The following ZNF330 variants were observed in gnomAD, a reference collection of about 807,000 sequenced individuals.
The protein encoded by ZNF330 is zinc finger protein 330.
Under a neutral mutation model 45.5 loss-of-function variants are expected in ZNF330, and 31 were observed. That is an observed-to-expected ratio of 0.68 (90% CI 0.51 to 0.92). The LOEUF is 0.92. ZNF330 is among the 40% of genes least tolerant of loss of function. ZNF330 has a pLI of 0.00. For missense variants in ZNF330, 356 were observed against 387.4 expected, an observed-to-expected ratio of 0.92 and a Z score of 0.68; for synonymous variants, 138 against 123.2, an observed-to-expected ratio of 1.12 and a Z score of -0.79.
upstream of ZNF330, chr4:141,220,826 T>A (rs1728652399): frequency 6.6e-6 from 1 of 151,944 alleles, no homozygotes; most frequent in Admixed American, 6.6e-5. Flanking sequence ...CCCGCAGGAG[T>A]GGGCGGGGAA....
chr4:141,226,898 G>A (rs758810100), intron 5 of ZNF330, 52 bp downstream of exon 5: 2 of 1,422,692 alleles, frequency 1.4e-6, no homozygotes, highest in Non-Finnish European at 1.9e-6. Context: ...ATAAGAAAAT[G>A]TCATTCTGAT....
Position 141,226,814 on chromosome 4 carries a change from G to T in ZNF330, c.259G>T (p.Ala87Ser). 1 of 1,613,120 alleles carries T rather than the reference G, an allele frequency of 6.2e-7. No homozygotes were observed. The highest frequency in any genetic ancestry group is 8.5e-7 in the Non-Finnish European group (1 of 1,179,380). Residue 87 changes from alanine to serine, a missense_variant, in exon 5 of 10, where the codon GCT becomes TCT. Coordinates refer to ENST00000262990, the MANE Select transcript of ZNF330 (RefSeq NM_014487.6). ...MKSSDCVIKH[A>S]GVYSTGLAMV... ...GTCTTCAGACTGTGTCATAAAGCATGCTGGTGTATACAGTACTGGCCTTGC... is the reference window on the plus strand; with the variant it reads ...GTCTTCAGACTGTGTCATAAAGCATTCTGGTGTATACAGTACTGGCCTTGC...
rs759501207 is a variant in ZNF330, at chr4:141,230,163, T to TAGG, written c.420_422dup. 1.3e-6 allele frequency: 2 copies of TAGG among 1,591,512 alleles called. No individual in the cohort carries two copies. The highest frequency in any genetic ancestry group is 2.7e-5 in the African/African-American group (2 of 73,974). On this transcript the variant is annotated splice_region_variant and splice_polypyrimidine_tract_variant and intron_variant, in intron 6 of 9. Coordinates refer to ENST00000262990, the MANE Select transcript of ZNF330 (RefSeq NM_014487.6). ...TTACATTTGTGTTTTTTTAATCCAA[T>TAGG]AGGAGGCAGAATATTCAGTTGTTCT...
chr4:141,230,698 T>C (rs1728929119), intron 7 of ZNF330, among the ~76,000 whole-genome samples: 1 of 152,116 alleles, frequency 6.6e-6, no homozygotes, highest in African/African-American at 2.4e-5. Flanking sequence ...ATATCAAAAA[T>C]ACCTGTGGAG....
At chr4:141,229,446 C>T (rs1256927913) in intron 5 of ZNF330, 125 bp from the exon 6 acceptor site, 12 of 1,213,442 alleles carry the variant, frequency 9.9e-6, no homozygotes, top group South Asian at 4.4e-5. Context: ...TTAAATGAAG[C>T]GGCCTACTAT....
intron 7 of ZNF330, 71 bp from the exon 8 acceptor site, chr4:141,231,368 A>G: frequency 7.0e-7 from 1 of 1,434,268 alleles, no homozygotes; most frequent in Non-Finnish European, 9.5e-7. Context: ...GCTTTTAGTG[A>G]TTTGATAAAA....
rs866667657 is a variant in ZNF330 at position 141,222,479 on chromosome 4, T to C, written c.108T>C (p.Cys36=). The C allele has an allele frequency of 1.2e-6, 2 of 1,612,574 alleles. No individual in the cohort carries two copies. Among genetic ancestry groups the C allele is most frequent in the Non-Finnish European group, 8.5e-7 (1 of 1,179,520 alleles). ...RSTIDLAKHP[C]NASMECDKCQ... ...CTATAGATTTAGCTAAACATCCATG[T>C]AATGCCTCAATGGTATCAGCTTTTT... Residue 36 remains cysteine (C), a synonymous_variant, in exon 2 of 10, where the codon TGT becomes TGC. Coordinates refer to ENST00000262990, the MANE Select transcript of ZNF330 (RefSeq NM_014487.6).
At chr4:141,226,732 G>GC in intron 4 of ZNF330, 35 bp from the exon 5 acceptor site, 1 of 1,564,936 alleles carries the variant, frequency 6.4e-7, no homozygotes, top group Non-Finnish European at 8.8e-7. Context: ...GTATTCCTTT[G>GC]CAAGACTAAC....
Position 141,233,741 on chromosome 4 carries a change from A to T in ZNF330, c.715A>T (p.Thr239Ser). The change falls in exon 10 of 10, where the codon ACT (threonine) becomes TCT (serine). Residue 239 changes from threonine to serine, a missense_variant. Thr to Ser is a moderately conservative substitution (Grantham distance 58). Coordinates refer to ENST00000262990, the MANE Select transcript of ZNF330 (RefSeq NM_014487.6). ...STRSLKFGRQTGGEEGDGASG... is the reference protein window; with the variant it reads ...STRSLKFGRQSGGEEGDGASG... ...ACGCTCCCTGAAATTTGGCAGGCAG[A>T]CTGGAGGTGAAGAGGGAGATGGAGC... 1 of 1,613,350 alleles carries T rather than the reference A, an allele frequency of 6.2e-7. No individual in the cohort carries two copies. The highest frequency in any genetic ancestry group is 8.5e-7 in the Non-Finnish European group (1 of 1,179,586).
intron 8 of ZNF330, 121 bp downstream of exon 8, chr4:141,231,606 ATTC>A (rs1728960822): frequency 3.1e-6 from 2 of 644,216 alleles, no homozygotes; most frequent in Admixed American, 6.5e-5. Flanking sequence ...ATGTAGTCTA[ATTC>A]TTTTATTTTT....
rs1728702184 is a variant in ZNF330, at chr4:141,222,414, C to T, written c.43C>T (p.Arg15Cys). 1 of 1,613,432 alleles carries T rather than the reference C, an allele frequency of 6.2e-7. No homozygotes were observed. Among genetic ancestry groups the T allele is most frequent in the Non-Finnish European group, 8.5e-7 (1 of 1,179,744 alleles). Reference protein sequence around the residue: ...KTGARKKAENRREREKQLRAS... With the variant: ...KTGARKKAENCREREKQLRAS... ...TGGTGCGAGGAAGAAGGCTGAGAAC[C>T]GCCGAGAACGTGAAAAACAACTAAG... is the stretch of plus-strand genomic sequence containing the variant. Residue 15 changes from arginine (R) to cysteine (C), a missense_variant, in exon 2 of 10, where the codon CGC (arginine) becomes TGC (cysteine). Transcript: ENST00000262990.
chr4:141,224,084 C>T (rs537350781), intron 2 of ZNF330: 12 of 284,314 alleles, frequency 4.2e-5, no homozygotes, highest in Middle Eastern at 1.2e-3. Flanking sequence ...GGAACGGTGC[C>T]TTAGATAAAT....
upstream of ZNF330, chr4:141,220,879 T>A (rs1441008663): frequency 1.3e-5 from 2 of 152,260 alleles, no homozygotes; most frequent in Non-Finnish European, 2.9e-5. Context: ...TCCTATGACG[T>A]CAGCCGTAAG....
chr4:141,234,098 A>T lies in ZNF330; in HGVS notation c.*109A>T, dbSNP rs1049005936. On this transcript the variant is annotated 3_prime_UTR_variant, in exon 10 of 10. Coordinates refer to ENST00000262990, the MANE Select transcript of ZNF330 (RefSeq NM_014487.6). ...CCTTAGCCACTTAGCCTTGTGCAGA[A>T]GACTAGTTACACTTAATGGGCCAAG... 75 of 1,481,622 alleles carry T rather than the reference A, an allele frequency of 5.1e-5. No homozygotes were observed. Among genetic ancestry groups the T allele is most frequent in the Non-Finnish European group, 6.5e-5 (73 of 1,122,844 alleles). 91.8% of individuals were successfully genotyped at this position (1,481,622 alleles called of 1,614,324 possible).
chr4:141,226,437 AGATT>A (rs1340904686), intron 4 of ZNF330, among the ~76,000 whole-genome samples: 4 of 152,174 alleles, frequency 2.6e-5, no homozygotes, highest in Non-Finnish European at 2.9e-5. Context: ...AATAATCTGA[AGATT>A]GATAAGTTTT....
intron 7 of ZNF330, 89 bp from the exon 8 acceptor site, chr4:141,231,350 C>T: frequency 1.6e-6 from 2 of 1,216,564 alleles, no homozygotes; most frequent in Admixed American, 2.3e-5. Flanking sequence ...GGCTATATTC[C>T]ATTGCAAGCT....
chr4:141,226,326 GTAT>G (rs1386640179), intron 4 of ZNF330, among the ~76,000 whole-genome samples: 3 of 152,078 alleles, frequency 2.0e-5, no homozygotes, highest in East Asian at 1.9e-4. Flanking sequence ...TTGGTTTGAG[GTAT>G]TATTCTGTGG....
At chr4:141,228,619 CT>C (rs1263857223) in intron 5 of ZNF330, among the ~76,000 whole-genome samples, 2 of 152,072 alleles carry the variant, frequency 1.3e-5, no homozygotes, top group Non-Finnish European at 2.9e-5. Flanking sequence ...AGTACCATCT[CT>C]TTTTTGCAAG....
Position 141,229,624 on chromosome 4 carries a change from CAG to C in ZNF330, c.346_347del (p.Ser116TyrfsTer12). 1.2e-6 allele frequency: 2 copies of C among 1,613,140 alleles called. No individual in the cohort carries two copies. The highest frequency in any genetic ancestry group is 1.7e-6 in the Non-Finnish European group (2 of 1,179,306). ...AWVCHGRKCL[S>X]THACACPLTD... is the part of the protein sequence containing the mutation. ...GGGTTTGCCATGGTAGGAAATGTCTCAGTACACATGCTTGTGCCTGCCCTCTT... is the reference window on the plus strand; with the variant it reads ...GGGTTTGCCATGGTAGGAAATGTCTCTACACATGCTTGTGCCTGCCCTCTT... On this transcript the variant is annotated frameshift_variant, in exon 6 of 10. Coordinates refer to ENST00000262990, the MANE Select transcript of ZNF330 (RefSeq NM_014487.6). LOFTEE classifies it high-confidence loss of function.
Sources: gnomAD v4.1 joint callset for allele counts (sites outside exome capture counted in the v4.1 genomes callset) on GRCh38, gnomAD v4.1.1 for gene constraint, MANE v1.5 for transcripts, NCBI Gene and HGNC (gene_info 2026-07-23, HGNC 2026-07-21) for gene names.